The following WDR27 variants were observed in gnomAD, a reference collection of about 807,000 sequenced individuals.
WDR27 encodes the protein WD repeat domain 27.
Under a neutral mutation model 114.4 loss-of-function variants are expected in WDR27, and 100 were observed. The ratio of observed to expected loss-of-function variants is 0.87; its 90% CI spans 0.74 to 1.03. WDR27 has a LOEUF of 1.03. Among genes scored for constraint, WDR27 ranks in the 50% least tolerant of loss-of-function variants. WDR27 has a pLI of 0.00. For synonymous variants in WDR27, 449 were observed against 423.1 expected (o/e 1.06, Z -0.75); for missense variants, 1,129 against 1,092.9 (o/e 1.03, Z -0.47).
chr6:169,565,537 G>A (rs571519935), intron 25 of WDR27, among the ~76,000 whole-genome samples: 3 of 152,098 alleles, frequency 2.0e-5, no homozygotes, highest in Non-Finnish European at 4.4e-5. Context: ...TGAGTGTCCC[G>A]TTCACAATGT....
chr6:169,475,411 C>A (rs1787009246), intron 25 of WDR27, among the ~76,000 whole-genome samples: 1 of 151,960 alleles, frequency 6.6e-6, no homozygotes, highest in South Asian at 2.1e-4. Context: ...TTAGTAGAGA[C>A]GGGTTTTTGC....
intron 2 of WDR27, among the ~76,000 whole-genome samples, chr6:169,679,282 T>TA: frequency 6.6e-6 from 1 of 152,354 alleles, no homozygotes; most frequent in South Asian, 2.1e-4. Context: ...CAGGCCATGG[T>TA]CACTCATACT....
At chr6:169,638,863 G>T (rs1054100523) in intron 17 of WDR27, among the ~76,000 whole-genome samples, 17 of 152,242 alleles carry the variant, frequency 1.1e-4, no homozygotes, top group African/African-American at 4.1e-4. Context: ...TAGAGACTCA[G>T]TGTGGCTTCT....
chr6:169,519,734 TA>T (rs1426322850), intron 25 of WDR27, among the ~76,000 whole-genome samples: 1 of 151,888 alleles, frequency 6.6e-6, no homozygotes, highest in Non-Finnish European at 1.5e-5. Flanking sequence ...AAAACAAAAA[TA>T]AATATACACA....
At chr6:169,575,802 A>G (rs1281348107) in intron 24 of WDR27, among the ~76,000 whole-genome samples, 1 of 152,252 alleles carries the variant, frequency 6.6e-6, no homozygotes, top group African/African-American at 2.4e-5. Flanking sequence ...AAACAACATT[A>G]TGTGTAGGGT....
intron 25 of WDR27, among the ~76,000 whole-genome samples, chr6:169,569,235 C>T (rs1011803603): frequency 8.2e-6 from 1 of 121,610 alleles, no homozygotes; most frequent in Admixed American, 1.1e-4. Flanking sequence ...ATTTAAAATT[C>T]AATTCATTAA....
rs1407472751 is a variant in WDR27, at chr6:169,659,160, C to T, written c.1245G>A (p.Leu415=). 1.9e-6 allele frequency: 3 copies of T among 1,611,434 alleles called. No homozygotes were observed. The highest frequency in any genetic ancestry group is 2.5e-6 in the Non-Finnish European group (3 of 1,178,786). The change falls in exon 12 of 26, where the codon TTG becomes TTA. Residue 415 remains leucine, a synonymous_variant. Coordinates refer to ENST00000448612, the MANE Select transcript of WDR27 (RefSeq NM_182552.5). The surrounding 1 kb of genome is among the most constrained non-coding windows in gnomAD (Gnocchi z 4.3). ...ASLFGGKIAV[L]EINPAALVRA... ...TGACTAGCGCGGCCGGGTTGATCTCCAACACGGCAATCTTCCCGCCAAAGA... is the reference window on the plus strand; with the variant it reads ...TGACTAGCGCGGCCGGGTTGATCTCTAACACGGCAATCTTCCCGCCAAAGA...
Position 169,634,484 on chromosome 6 carries a change from G to A in WDR27, c.2045C>T (p.Ser682Phe). The A allele has an allele frequency of 6.2e-7, 1 of 1,613,176 alleles. No homozygotes were observed. Among genetic ancestry groups the A allele is most frequent in the Non-Finnish European group, 8.5e-7 (1 of 1,179,630 alleles). ...GGTCATGTCTACTGCACCCGTCGTG[G>A]AGAGCCTGCAAATCAGCTTGGACTT... ...KSKSKLICRL[S>F]TTGAVDMTSL... The change falls in exon 20 of 26, where the codon TCC (serine) becomes TTC (phenylalanine). Residue 682 changes from serine to phenylalanine, a missense_variant. By Grantham distance (155) the Ser-to-Phe change is radical. Transcript: ENST00000448612.
chr6:169,697,422 G>A (rs1023387396), intron 1 of WDR27, among the ~76,000 whole-genome samples: 2 of 152,080 alleles, frequency 1.3e-5, no homozygotes, highest in Non-Finnish European at 1.5e-5. Flanking sequence ...TAGCAGACCG[G>A]GAAAGGGAAT....
In WDR27 at chr6:169,602,336, G is replaced by C. The variant is rs778292514; in HGVS notation, c.2322-15C>G. The C allele has an allele frequency of 2.7e-6, 4 of 1,476,092 alleles. No homozygotes were observed. The highest frequency in any genetic ancestry group is 9.2e-7 in the Non-Finnish European group (1 of 1,085,680). The allele number at this position is 1,476,092 out of a possible 1,614,324, so 91.4% of individuals were successfully genotyped here. ...GGCGCTCACACCTACAGGGAGGAAA[G>C]AAACACCAGGAGAAAAATCATTTTA... On this transcript the variant is annotated splice_polypyrimidine_tract_variant and intron_variant, in intron 22 of 25. Coordinates refer to ENST00000448612, the MANE Select transcript of WDR27 (RefSeq NM_182552.5).
the WDR27 span, among the ~76,000 whole-genome samples, chr6:169,445,796 C>T: frequency 6.6e-6 from 1 of 152,230 alleles, no homozygotes; most frequent in Admixed American, 6.5e-5. Flanking sequence ...CAGCTGCAGA[C>T]CGAGGCGGTG....
intron 21 of WDR27, among the ~76,000 whole-genome samples, chr6:169,626,991 C>T (rs935733232): frequency 6.6e-6 from 1 of 152,186 alleles, no homozygotes; most frequent in African/African-American, 2.4e-5. Flanking sequence ...CCTGACAGCA[C>T]ATTTCTCATT....
At chr6:169,594,126 AT>A (rs1211003102) in intron 23 of WDR27, among the ~76,000 whole-genome samples, 1 of 152,220 alleles carries the variant, frequency 6.6e-6, no homozygotes, top group Non-Finnish European at 1.5e-5. Context: ...ACACTGATAT[AT>A]CATGTTAGAA....
At chr6:169,535,370 C>T (rs763523073) in intron 25 of WDR27, among the ~76,000 whole-genome samples, 1 of 152,152 alleles carries the variant, frequency 6.6e-6, no homozygotes, top group African/African-American at 2.4e-5. Flanking sequence ...AGTTTTACGA[C>T]TCAAAACTGT....
chr6:169,664,027 G>T, intron 8 of WDR27, 139 bp downstream of exon 8: 1 of 788,898 alleles, frequency 1.3e-6, no homozygotes, highest in Non-Finnish European at 1.9e-6. Context: ...GGGCCTCAGT[G>T]GTTTTCTGAG....
In WDR27 at chr6:169,572,431, C is replaced by T. The variant is rs1336486658; in HGVS notation, c.2633G>A (p.Ser878Asn). 6.6e-6 allele frequency: 1 copy of T among 151,014 alleles called. No individual in the cohort carries two copies. Among genetic ancestry groups the T allele is most frequent in the Admixed American group, 6.7e-5 (1 of 15,034 alleles). 9.4% of individuals were successfully genotyped at this position (151,014 alleles called of 1,614,324 possible). A position where few individuals can be genotyped will look rare whatever the true frequency, so the allele number is the denominator to read the frequency against. ...KQFFCLSLPS[S>N]WDYSLPQLPW... ...TGGTGGTGGGTACCTGTAATCCCAG[C>T]TACTCGGGAGGCTGAGGCAGAAGAA... Residue 878 changes from serine (S) to asparagine (N), a missense_variant, in exon 25 of 26, where the codon AGC becomes AAC. Physicochemically the swap from Ser to Asn is conservative, Grantham distance 46 (BLOSUM62 1). Transcript: ENST00000448612.
At chr6:169,673,029 A>G (rs1779157888) in intron 2 of WDR27, among the ~76,000 whole-genome samples, 1 of 152,196 alleles carries the variant, frequency 6.6e-6, no homozygotes, top group Non-Finnish European at 1.5e-5. Context: ...GAATGCATGA[A>G]ACACTCAAGG....
rs1358547618 is a variant in WDR27 at position 169,634,523 on chromosome 6, T to C, written c.2006A>G (p.Tyr669Cys). The change falls in exon 20 of 26, where the codon TAT becomes TGT. Residue 669 changes from tyrosine (Y) to cysteine (C), a missense_variant and splice_region_variant. By Grantham distance (194) the Tyr-to-Cys change is radical (BLOSUM62 -2). Transcript: ENST00000448612. Reference protein sequence around the residue: ...IDTCKDEIKRYKQKSKSKLIC... With the variant: ...IDTCKDEIKRCKQKSKSKLIC... The stretch of plus-strand genomic sequence containing the variant: ...CAGCTTGGACTTGCTCTTCTGTTTA[T>C]ATCTGGAAGAGAAAATCAAGATGAT... 5 of 1,606,972 alleles carry C rather than the reference T, an allele frequency of 3.1e-6. No homozygotes were observed. Among genetic ancestry groups the C allele is most frequent in the South Asian group, 1.1e-5 (1 of 89,392 alleles).
chr6:169,660,420 G>A (rs112535429), intron 10 of WDR27, among the ~76,000 whole-genome samples: 1,914 of 152,276 alleles, frequency 0.013, 48 homozygotes, highest in African/African-American at 0.044. Context: ...AGTGCCAGGC[G>A]AGGGCCTGGC....
Sources: allele counts gnomAD v4.1 joint callset (sites outside exome capture counted in the v4.1 genomes callset), GRCh38; gene constraint gnomAD v4.1.1; non-coding constraint Gnocchi (gnomAD v3.1); transcripts MANE v1.5; gene names NCBI Gene and HGNC (gene_info 2026-07-23, HGNC 2026-07-21).